MARCHF10: variants seen among roughly 807,000 people sequenced by gnomAD.
MARCHF10 encodes membrane associated ring-CH-type finger 10, also known as probable E3 ubiquitin-protein ligase MARCHF10.
In MARCHF10, 64 loss-of-function variants were observed where a neutral mutation model predicts 76.2. The observed-to-expected ratio is 0.84, with a 90% CI of 0.69 to 1.03. The LOEUF (loss-of-function observed/expected upper bound fraction) is 1.03, where lower values mean the gene tolerates loss of function less well. Among genes scored for constraint, MARCHF10 ranks in the 50% least tolerant of loss-of-function variants. The pLI is 0.00. For synonymous variants in MARCHF10, 340 were observed against 357.5 expected (o/e 0.95, Z 0.55); for missense variants, 875 against 958.0 (o/e 0.91, Z 1.14).
chr17:62,724,664 A>G lies in MARCHF10; in HGVS notation c.2104+274T>C, dbSNP rs576141125. On this transcript the variant is annotated intron_variant, in intron 7 of 10. Coordinates refer to ENST00000311269, the MANE Select transcript of MARCHF10 (RefSeq NM_152598.4). ...CTCTGCTCAGGCCTCAAGCAGAGGTAGAATTCAATAGCATTTGTTCCCAGG... is the reference window on the plus strand; with the variant it reads ...CTCTGCTCAGGCCTCAAGCAGAGGTGGAATTCAATAGCATTTGTTCCCAGG... 3.9e-5 allele frequency among the ~76,000 whole-genome samples: 6 copies of G among 152,312 alleles called. No homozygotes were observed. The South Asian group carries it at 1.2e-3, about 32-fold the overall frequency.
intron 2 of MARCHF10, among the ~76,000 whole-genome samples, chr17:62,799,498 A>G (rs2093038320): frequency 6.6e-6 from 1 of 152,226 alleles, no homozygotes; most frequent in Non-Finnish European, 1.5e-5. Flanking sequence ...ATGTGATCCC[A>G]GCACTTTGGG....
chr17:62,799,240 C>A (rs1228543653), intron 2 of MARCHF10, among the ~76,000 whole-genome samples: 2 of 152,130 alleles, frequency 1.3e-5, no homozygotes, highest in African/African-American at 2.4e-5. Flanking sequence ...CTGGGCCGGG[C>A]CACTTCTCAC....
At chr17:62,804,758 A>ATTTGATGTTTGTTGT (rs2093136366) in intron 1 of MARCHF10, 1 of 152,154 alleles carries the variant, frequency 6.6e-6, no homozygotes, top group Admixed American at 6.5e-5. Flanking sequence ...AAGCCCCCAC[A>ATTTGATGTTTGTTGT]CTATTCCTGT....
chr17:62,754,683 T>C (rs988167026), intron 4 of MARCHF10, among the ~76,000 whole-genome samples: 2 of 152,104 alleles, frequency 1.3e-5, no homozygotes, highest in African/African-American at 4.8e-5. Flanking sequence ...TTCTGGGCTC[T>C]GCGACAACCC....
At chr17:62,705,175 T>G in intron 10 of MARCHF10, 2 of 1,203,630 alleles carry the variant, frequency 1.7e-6, no homozygotes, top group Non-Finnish European at 2.1e-6. Flanking sequence ...GGGAGGGTTT[T>G]CCTAGAGGAA....
Position 62,801,894 on chromosome 17 carries a change from C to G in MARCHF10, c.-17-142G>C, listed in dbSNP as rs934884533. The stretch of plus-strand genomic sequence containing the variant: ...GAAAGGCACAGATGCTCCTTTCAAG[C>G]TGAAGGGACTTCTTGTGTTGCTGTT... On this transcript the variant is annotated intron_variant, in intron 1 of 10. Coordinates refer to ENST00000311269, the MANE Select transcript of MARCHF10 (RefSeq NM_152598.4). The G allele has an allele frequency of 2.1e-5, 14 of 662,912 alleles. No homozygotes were observed. The African/African-American group carries it at 2.1e-4, about 10-fold the overall frequency. 41.1% of individuals were successfully genotyped at this position (662,912 alleles called of 1,614,324 possible).
At chr17:62,749,114 A>T (rs2147888404) in intron 4 of MARCHF10, among the ~76,000 whole-genome samples, 1 of 152,346 alleles carries the variant, frequency 6.6e-6, no homozygotes, top group South Asian at 2.1e-4. Flanking sequence ...GAAACCAAAC[A>T]GCTGTTTAGA....
At chr17:62,702,129 C>T (rs1288210602) in intron 10 of MARCHF10, among the ~76,000 whole-genome samples, 1 of 152,098 alleles carries the variant, frequency 6.6e-6, no homozygotes, top group Non-Finnish European at 1.5e-5. Context: ...GAAGGGGGAA[C>T]GGACCCAGGT....
intron 2 of MARCHF10, chr17:62,795,016 A>G (rs2092959873): frequency 1.0e-6 from 1 of 985,212 alleles, no homozygotes; most frequent in Admixed American, 6.2e-5. Context: ...AGAGCAACAC[A>G]TACCTCAAAG....
chr17:62,707,175 C>T (rs76997925), intron 9 of MARCHF10, among the ~76,000 whole-genome samples: 3,393 of 152,320 alleles, frequency 0.022, 62 homozygotes, highest in Middle Eastern at 0.044. Flanking sequence ...CCAAGTTCTC[C>T]TCCCAAAACC....
intron 7 of MARCHF10, among the ~76,000 whole-genome samples, chr17:62,722,798 A>G (rs1446247939): frequency 1.3e-5 from 2 of 152,142 alleles, no homozygotes; most frequent in Admixed American, 1.3e-4. Context: ...GTCATCTATT[A>G]TGCAAGCTTC....
intron 4 of MARCHF10, among the ~76,000 whole-genome samples, chr17:62,747,786 G>A (rs1470876103): frequency 6.6e-6 from 1 of 152,162 alleles, no homozygotes; most frequent in East Asian, 1.9e-4. Flanking sequence ...TGTAGTTCTT[G>A]TTGATTCTCT....
rs888289938 is a variant in MARCHF10, at chr17:62,797,211, AT to A, written c.90+4434del. Among the ~76,000 whole-genome samples, 545 of 150,282 alleles carry A rather than the reference AT, an allele frequency of 3.6e-3. 2 individuals are homozygous for A. Among genetic ancestry groups the A allele is most frequent in the African/African-American group, 0.013 (523 of 40,996 alleles). On this transcript the variant is annotated intron_variant, in intron 2 of 10. Coordinates refer to ENST00000311269, the MANE Select transcript of MARCHF10 (RefSeq NM_152598.4). ...AACAGGTTGAATTTTATGATATATA[AT>A]TTTTTTTTTGAGACCGAGTTTCACT...
intron 3 of MARCHF10, among the ~76,000 whole-genome samples, chr17:62,779,195 A>G (rs1456187446): frequency 6.6e-6 from 1 of 152,170 alleles, no homozygotes; most frequent in Non-Finnish European, 1.5e-5. Context: ...GGTGACTCAC[A>G]GCCTCCCAGG....
rs1011449600 is a variant in MARCHF10 at position 62,736,171 on chromosome 17, G to A, written c.1697C>T (p.Pro566Leu). Reference protein sequence around the residue: ...APLYTDLLLNPQGNLSLVDSS... With the variant: ...APLYTDLLLNLQGNLSLVDSS... Reference sequence around the variant, plus strand: ...ATCCACTAAGGACAAATTGCCCTGTGGATTTAGTAAGAGATCTGTATATAG... The same window carrying A: ...ATCCACTAAGGACAAATTGCCCTGTAGATTTAGTAAGAGATCTGTATATAG... Residue 566 changes from proline to leucine, a missense_variant, in exon 6 of 11, where the codon CCA (proline) becomes CTA (leucine). By Grantham distance (98) the Pro-to-Leu change is moderately conservative. Coordinates refer to ENST00000311269, the MANE Select transcript of MARCHF10 (RefSeq NM_152598.4). 8 of 1,614,070 alleles carry A rather than the reference G, an allele frequency of 5.0e-6. No homozygotes were observed. The highest frequency in any genetic ancestry group is 1.6e-4 in the Middle Eastern group (1 of 6,084).
At chr17:62,796,008 C>CTT (rs1022674506) in intron 2 of MARCHF10, among the ~76,000 whole-genome samples, 1 of 143,344 alleles carries the variant, frequency 7.0e-6, no homozygotes, top group Non-Finnish European at 1.5e-5. Context: ...GCAATTGATC[C>CTT]TTTTTTTTTT....
chr17:62,746,704 C>A (rs1241552398), intron 4 of MARCHF10, among the ~76,000 whole-genome samples: 1 of 152,168 alleles, frequency 6.6e-6, no homozygotes. Flanking sequence ...GGGGCTCAGG[C>A]CAAGTCTAGA....
chr17:62,730,505 A>G (rs954965207), intron 6 of MARCHF10, among the ~76,000 whole-genome samples: 23 of 152,364 alleles, frequency 1.5e-4, no homozygotes, highest in African/African-American at 5.5e-4. Flanking sequence ...AGTCTATGAC[A>G]CACATAAATG....
intron 8 of MARCHF10, chr17:62,714,436 C>T: frequency 1.0e-6 from 1 of 985,022 alleles, no homozygotes; most frequent in Non-Finnish European, 1.2e-6. Flanking sequence ...ACACATCCTA[C>T]AAGAGACAAG....
Sources: gnomAD v4.1 joint callset for allele counts (sites outside exome capture counted in the v4.1 genomes callset) on GRCh38, gnomAD v4.1.1 for gene constraint, MANE v1.5 for transcripts, NCBI Gene and HGNC (gene_info 2026-07-23, HGNC 2026-07-21) for gene names.